JCAD: variants seen among roughly 807,000 people sequenced by gnomAD.
JCAD encodes junctional cadherin 5 associated, also known as junctional cadherin 5-associated protein.
In JCAD, 40 loss-of-function variants were observed where a neutral mutation model predicts 98.0. The observed-to-expected ratio is 0.41, with a 90% confidence interval of 0.32 to 0.53. The LOEUF is 0.53. Among genes scored for constraint, JCAD ranks in the 20% least tolerant of loss-of-function variants. JCAD has a pLI of 0.31. For missense variants in JCAD, 1,705 were observed against 1,738.1 expected (o/e 0.98, Z 0.34); for synonymous variants, 691 against 682.3 (o/e 1.01, Z -0.20).
intron 2 of JCAD, among the ~76,000 whole-genome samples, chr10:30,036,276 C>T (rs1837107710): frequency 6.6e-6 from 1 of 152,030 alleles, no homozygotes; most frequent in African/African-American, 2.4e-5. Context: ...AATGAAACCC[C>T]GTCTGTACTA....
At chr10:30,092,343 C>G (rs2132697979) in intron 1 of JCAD, among the ~76,000 whole-genome samples, 1 of 151,450 alleles carries the variant, frequency 6.6e-6, no homozygotes, top group African/African-American at 2.4e-5. Flanking sequence ...GACAAATATT[C>G]TCATGTTGGT....
chr10:30,058,552 C>G (rs1837629594), intron 1 of JCAD, among the ~76,000 whole-genome samples: 2 of 152,178 alleles, frequency 1.3e-5, no homozygotes, highest in Non-Finnish European at 2.9e-5. Flanking sequence ...TACAAATGCC[C>G]AGAAGAATCC....
intron 2 of JCAD, among the ~76,000 whole-genome samples, chr10:30,032,361 G>C (rs1837020885): frequency 6.6e-6 from 1 of 152,154 alleles, no homozygotes; most frequent in Non-Finnish European, 1.5e-5. Flanking sequence ...TAGCATGCGG[G>C]GAGAGTTCAG....
rs774649844 is a variant in JCAD at position 30,026,723 on chromosome 10, G to A, written c.3425C>T (p.Thr1142Ile). 1.2e-6 allele frequency: 2 copies of A among 1,614,028 alleles called. No homozygotes were observed. Among genetic ancestry groups the A allele is most frequent in the Non-Finnish European group, 1.7e-6 (2 of 1,180,028 alleles). Residue 1142 changes from threonine to isoleucine, a missense_variant, in exon 3 of 4, where the codon ACT (threonine) becomes ATT (isoleucine). Physicochemically the swap from Thr to Ile is moderately conservative, Grantham distance 89. Coordinates refer to ENST00000375377, the MANE Select transcript of JCAD (RefSeq NM_020848.4). Reference protein sequence around the residue: ...PAPADVPRVSTDAFYGRRKCG... With the variant: ...PAPADVPRVSIDAFYGRRKCG... ...CTTCCTCCTGCCATAAAAGGCATCA[G>A]TGGACACCCTGGGGACATCTGCCGG...
intron 1 of JCAD, among the ~76,000 whole-genome samples, chr10:30,081,275 C>G (rs1174171183): frequency 6.6e-6 from 1 of 152,152 alleles, no homozygotes; most frequent in Non-Finnish European, 1.5e-5. Flanking sequence ...TGTTATATAT[C>G]AGTCTGGAAT....
At chr10:30,040,906 A>G (rs1023277427) in intron 2 of JCAD, among the ~76,000 whole-genome samples, 7 of 152,102 alleles carry the variant, frequency 4.6e-5, no homozygotes, top group Non-Finnish European at 1.0e-4. Flanking sequence ...GGCATTTCTT[A>G]GCTCTCAGAC....
chr10:30,015,347 T>G lies in JCAD; in HGVS notation c.*2536A>C. 6.6e-6 allele frequency: 1 copy of G among 152,276 alleles called. No individual in the cohort carries two copies. Among genetic ancestry groups the G allele is most frequent in the South Asian group, 2.1e-4 (1 of 4,826 alleles). The allele number at this position is 152,276 out of a possible 1,614,324, so 9.4% of individuals were successfully genotyped here. ...GAAATAGAAACAATAACTAAACAAT[T>G]AGTGTTAAATTCAAGACCTCTGGGA... On this transcript the variant is annotated 3_prime_UTR_variant, in exon 4 of 4. Coordinates refer to ENST00000375377, the MANE Select transcript of JCAD (RefSeq NM_020848.4).
intron 1 of JCAD, among the ~76,000 whole-genome samples, chr10:30,102,685 A>G (rs1344646820): frequency 6.6e-6 from 1 of 152,208 alleles, no homozygotes; most frequent in Non-Finnish European, 1.5e-5. Context: ...GCAGAATCAT[A>G]CAGTATTTGC....
chr10:30,018,295 TC>T (rs10707042), intron 3 of JCAD, among the ~76,000 whole-genome samples: 50,536 of 138,352 alleles, frequency 0.37, 9,030 homozygotes, highest in African/African-American at 0.46. Context: ...TTCTTCTTCT[TC>T]TTTTTTTTTT....
At chr10:30,038,688 TAAA>T (rs11402293) in intron 2 of JCAD, among the ~76,000 whole-genome samples, 3 of 122,012 alleles carry the variant, frequency 2.5e-5, no homozygotes, top group Non-Finnish European at 4.9e-5. Flanking sequence ...TGTCTCAAAA[TAAA>T]AAAAAAAAAA....
rs71023540 is a variant in JCAD, at chr10:30,034,222, C to CAATAATAAT, written c.282-4365_282-4357dup. On this transcript the variant is annotated intron_variant, in intron 2 of 3. Transcript: ENST00000375377. ...TGGGCGACAGAGCAAGACTCCATCT[C>CAATAATAAT]AATAATAATAATAATAATAATAATA... Among the ~76,000 whole-genome samples, 1,328 of 149,320 alleles carry CAATAATAAT rather than the reference C, an allele frequency of 8.9e-3. 13 individuals are homozygous for CAATAATAAT. Among genetic ancestry groups the CAATAATAAT allele is most frequent in the South Asian group, 0.045 (211 of 4,650 alleles).
Position 30,014,504 on chromosome 10 carries a change from A to G in JCAD, c.*3379T>C, listed in dbSNP as rs1249309642. 1 of 152,224 alleles carries G rather than the reference A, an allele frequency of 6.6e-6. No individual in the cohort carries two copies. The highest frequency in any genetic ancestry group is 1.5e-5 in the Non-Finnish European group (1 of 68,036). The allele number at this position is 152,224 out of a possible 1,614,324, so 9.4% of individuals were successfully genotyped here. A position where few individuals can be genotyped will look rare whatever the true frequency, so the allele number is the denominator to read the frequency against. On this transcript the variant is annotated 3_prime_UTR_variant, in exon 4 of 4. Transcript: ENST00000375377. ...ACATTTAATTGTGTATTATTTAATC[A>G]TTTAAAACAAACAATAATAAAAAAC... is the stretch of plus-strand genomic sequence containing the variant.
chr10:30,061,535 C>A (rs537579341), upstream of JCAD, among the ~76,000 whole-genome samples: 1 of 146,900 alleles, frequency 6.8e-6, no homozygotes, highest in African/African-American at 2.6e-5. Context: ...GAGTGAGACT[C>A]TGTCTCAAGA....
intron 1 of JCAD, among the ~76,000 whole-genome samples, chr10:30,076,172 T>A (rs1837976996): frequency 6.6e-6 from 1 of 152,068 alleles, no homozygotes; most frequent in Non-Finnish European, 1.5e-5. Context: ...TACAGGTGCC[T>A]GCTACCACAC....
chr10:30,065,507 A>ATTT (rs541382286), intron 2 of JCAD, among the ~76,000 whole-genome samples: 83 of 147,990 alleles, frequency 5.6e-4, no homozygotes, highest in African/African-American at 1.9e-3. Flanking sequence ...ATATCGCATA[A>ATTT]TTTTTTTTTT....
At chr10:30,098,337 G>A (rs569299321) in intron 1 of JCAD, among the ~76,000 whole-genome samples, 5 of 152,066 alleles carry the variant, frequency 3.3e-5, no homozygotes, top group Admixed American at 1.3e-4. Context: ...CCCCCAGCTG[G>A]CTCCTAGGCA....
chr10:30,092,123 T>TAA (rs1247441993), intron 1 of JCAD, among the ~76,000 whole-genome samples: 3 of 111,210 alleles, frequency 2.7e-5, no homozygotes, highest in Admixed American at 9.6e-5. Flanking sequence ...TATATATATA[T>TAA]ATAAAAAACA....
At chr10:30,060,155 G>A (rs1157919590), upstream of JCAD, among the ~76,000 whole-genome samples, 3 of 151,784 alleles carry the variant, frequency 2.0e-5, no homozygotes, top group African/African-American at 7.3e-5. Context: ...ATAACACATC[G>A]ATATTATGAA....
At chr10:30,083,756 G>A (rs995022558) in intron 1 of JCAD, among the ~76,000 whole-genome samples, 1 of 152,144 alleles carries the variant, frequency 6.6e-6, no homozygotes, top group African/African-American at 2.4e-5. Flanking sequence ...GGCTGGGCGC[G>A]ATACTCATGC....
Sources: allele counts gnomAD v4.1 joint callset (sites outside exome capture counted in the v4.1 genomes callset), GRCh38; gene constraint gnomAD v4.1.1; transcripts MANE v1.5; gene names NCBI Gene and HGNC (gene_info 2026-07-23, HGNC 2026-07-21).